Variants in CSMD1 observed in about 807,000 individuals in gnomAD.
CSMD1 encodes the protein CUB and Sushi multiple domains 1.
CSMD1 carries 213 observed loss-of-function variants against 417.5 expected under a neutral mutation model. The ratio of observed to expected loss-of-function variants is 0.51; its 90% CI spans 0.46 to 0.57. The LOEUF (loss-of-function observed/expected upper bound fraction) is 0.57. Ranked by LOEUF, CSMD1 falls within the 20% of genes least tolerant of loss-of-function variation. The pLI is 0.00. For missense variants in CSMD1, 6,923 were observed against 4,529.7 expected (o/e 1.53, Z -15.17); for synonymous variants, 2,862 against 1,736.8 (o/e 1.65, Z -16.11).
intron 2 of CSMD1, among the ~76,000 whole-genome samples, chr8:4,468,168 T>G (rs2130019641): frequency 6.6e-6 from 1 of 152,304 alleles, no homozygotes; most frequent in Admixed American, 6.5e-5. Context: ...TTCTGTGCTC[T>G]AACAGCACTT....
chr8:4,622,618 G>A (rs866105863), intron 2 of CSMD1, among the ~76,000 whole-genome samples: 1 of 152,140 alleles, frequency 6.6e-6, no homozygotes, highest in Non-Finnish European at 1.5e-5. Context: ...ACAAAGCAGA[G>A]GAAAGAAGAG....
Position 4,139,767 on chromosome 8 carries a change from T to A in CSMD1, c.416-107668A>T, listed in dbSNP as rs13259316. On this transcript the variant is annotated intron_variant, in intron 3 of 69. Transcript: ENST00000635120. ...AAAGAACCCAGCAGGGCACAATCAC[T>A]TAGATGTTTGCACACTGAGCTCAGT... is the stretch of plus-strand genomic sequence containing the variant. 2.7e-5 allele frequency among the ~76,000 whole-genome samples: 4 copies of A among 150,760 alleles called. 1 individual carries two copies. The highest frequency in any genetic ancestry group is 1.9e-4 in the East Asian group (1 of 5,176).
intron 2 of CSMD1, among the ~76,000 whole-genome samples, chr8:4,565,405 T>C (rs1798543426): frequency 6.6e-6 from 1 of 152,086 alleles, no homozygotes. Context: ...TCATTTTACA[T>C]TGCAGTGGAA....
At chr8:4,181,111 A>T (rs1714810) in intron 3 of CSMD1, among the ~76,000 whole-genome samples, 2 of 152,016 alleles carry the variant, frequency 1.3e-5, no homozygotes, top group Non-Finnish European at 2.9e-5. Flanking sequence ...ATGATTGACC[A>T]GCCAATTCCA....
At chr8:3,658,542 G>T (rs950601787) in intron 7 of CSMD1, among the ~76,000 whole-genome samples, 1 of 150,792 alleles carries the variant, frequency 6.6e-6, no homozygotes, top group African/African-American at 2.4e-5. Context: ...CAGCACTTTG[G>T]GAGGCCAAGG....
chr8:3,461,503 G>A (rs531755880), intron 12 of CSMD1, among the ~76,000 whole-genome samples: 60 of 152,334 alleles, frequency 3.9e-4, no homozygotes, highest in African/African-American at 1.4e-3. Context: ...CCCAGGAGCT[G>A]ATTGAGATCT....
intron 1 of CSMD1, among the ~76,000 whole-genome samples, chr8:4,984,711 A>G (rs1026217709): frequency 6.6e-6 from 1 of 152,188 alleles, no homozygotes; most frequent in African/African-American, 2.4e-5. Flanking sequence ...ACAAAGCACA[A>G]CCACTTCTAT....
intron 7 of CSMD1, among the ~76,000 whole-genome samples, chr8:3,690,616 A>G (rs1382115030): frequency 6.6e-6 from 1 of 152,210 alleles, no homozygotes; most frequent in Non-Finnish European, 1.5e-5. Flanking sequence ...TGATGATATC[A>G]TAGCTTCCAC....
intron 1 of CSMD1, among the ~76,000 whole-genome samples, chr8:4,968,610 T>C (rs762132424): frequency 2.4e-4 from 36 of 152,256 alleles, no homozygotes; most frequent in Non-Finnish European, 4.4e-4. Context: ...GACCAGTTTC[T>C]CTCCCCTCCC....
intron 2 of CSMD1, among the ~76,000 whole-genome samples, chr8:4,467,678 T>G (rs1753594826): frequency 1.3e-5 from 2 of 152,332 alleles, no homozygotes; most frequent in South Asian, 4.1e-4. Flanking sequence ...CAAATCAAGG[T>G]GCAAATAGGG....
intron 7 of CSMD1, among the ~76,000 whole-genome samples, chr8:3,703,919 A>C (rs915184514): frequency 1.2e-4 from 19 of 152,132 alleles, no homozygotes; most frequent in Non-Finnish European, 5.9e-5. Context: ...AAATACAAAA[A>C]AATTAGTCGG....
At chr8:4,082,277 G>A (rs1244086693) in intron 3 of CSMD1, among the ~76,000 whole-genome samples, 4 of 152,030 alleles carry the variant, frequency 2.6e-5, no homozygotes, top group African/African-American at 9.7e-5. Context: ...CTAACACAAG[G>A]TAGAATATCT....
At chr8:3,882,918 G>C (rs1806299818) in intron 5 of CSMD1, among the ~76,000 whole-genome samples, 1 of 152,162 alleles carries the variant, frequency 6.6e-6, no homozygotes. Flanking sequence ...TGGGAGTAAT[G>C]TTCTGCATCT....
At chr8:4,899,991 A>T (rs1054654074) in intron 1 of CSMD1, among the ~76,000 whole-genome samples, 2 of 152,172 alleles carry the variant, frequency 1.3e-5, no homozygotes, top group Non-Finnish European at 2.9e-5. Context: ...TAGTCTAAGT[A>T]GGATGTCTGT....
chr8:4,144,151 T>A (rs757966680), intron 3 of CSMD1, among the ~76,000 whole-genome samples: 6 of 151,054 alleles, frequency 4.0e-5, no homozygotes, highest in Admixed American at 2.0e-4. Flanking sequence ...GTTTCCCTTC[T>A]GATACAGCTT....
At chr8:3,171,499 G>A (rs1757764054) in intron 37 of CSMD1, among the ~76,000 whole-genome samples, 1 of 152,124 alleles carries the variant, frequency 6.6e-6, no homozygotes, top group South Asian at 2.1e-4. Context: ...TGATGAGTTG[G>A]TGGTTGGCTA....
chr8:4,921,667 GGT>G lies in CSMD1; in HGVS notation c.85+72663_85+72664del, dbSNP rs201829067. On this transcript the variant is annotated intron_variant, in intron 1 of 69. Coordinates refer to ENST00000635120, the MANE Select transcript of CSMD1 (RefSeq NM_033225.6). ...GTGTGAATTACCCACAGAAGTGATG[GGT>G]GTGTGTGTGTCGGTCTCTGTGTACA... Among the ~76,000 whole-genome samples the G allele has an allele frequency of 5.1e-4, 77 of 152,182 alleles. 1 individual carries two copies. The highest frequency in any genetic ancestry group is 1.2e-3 in the Admixed American group (19 of 15,290).
intron 4 of CSMD1, among the ~76,000 whole-genome samples, chr8:4,011,086 T>C (rs1390074691): frequency 2.0e-5 from 3 of 152,310 alleles, no homozygotes; most frequent in East Asian, 1.9e-4. Flanking sequence ...TTGGTTTCCA[T>C]TTCACAAAGA....
chr8:4,527,905 C>T (rs753642653), intron 2 of CSMD1, among the ~76,000 whole-genome samples: 2 of 152,134 alleles, frequency 1.3e-5, no homozygotes, highest in African/African-American at 4.8e-5. Flanking sequence ...ATAAGGCAAC[C>T]TACAGGGCGT....
Sources: allele counts gnomAD v4.1 joint callset (sites outside exome capture counted in the v4.1 genomes callset), GRCh38; gene constraint gnomAD v4.1.1; transcripts MANE v1.5; gene names NCBI Gene and HGNC (gene_info 2026-07-23, HGNC 2026-07-21).